The following ZNF804B variants were observed in gnomAD, a reference collection of about 807,000 sequenced individuals.
ZNF804B encodes the protein zinc finger protein 804B, also known as zinc finger 804B.
In ZNF804B, 80 loss-of-function variants were observed where a neutral mutation model predicts 101.4. That is an observed-to-expected ratio of 0.79 (90% CI 0.66 to 0.95). The LOEUF (loss-of-function observed/expected upper bound fraction) is 0.95. ZNF804B is among the 40% of genes least tolerant of loss of function. ZNF804B has a pLI of 0.00. For missense variants in ZNF804B, 1,673 were observed against 1,561.9 expected, an observed-to-expected ratio of 1.07 and a Z score of -1.20; for synonymous variants, 622 against 558.8, an observed-to-expected ratio of 1.11 and a Z score of -1.59.
intron 1 of ZNF804B, among the ~76,000 whole-genome samples, chr7:89,107,795 G>A (rs551360786): frequency 6.6e-6 from 1 of 152,226 alleles, no homozygotes; most frequent in East Asian, 1.9e-4. Flanking sequence ...CAAGCTTAGA[G>A]AGCCACAGAC....
At position 89,220,126 on chromosome 7, in the gene ZNF804B, C is replaced by T. The variant is rs1397262224; in HGVS notation, c.249+1831C>T. 6.2e-5 allele frequency among the ~76,000 whole-genome samples: 8 copies of T among 129,886 alleles called. 2 individuals are homozygous for T. In the East Asian group the frequency reaches 6.2e-4, roughly 10 times the overall value. The allele number at this position is 129,886 out of a possible 152,430, so 85.2% of individuals were successfully genotyped here. ...ATATGTGTGTATATACATATATATA[C>T]GCACACATATATGTGTGTATATACA... On this transcript the variant is annotated intron_variant, in intron 2 of 3. Transcript: ENST00000333190.
intron 1 of ZNF804B, among the ~76,000 whole-genome samples, chr7:89,039,637 T>G (rs1788984757): frequency 7.5e-6 from 1 of 133,232 alleles, no homozygotes; most frequent in Non-Finnish European, 1.6e-5. Flanking sequence ...ATTTATTTTT[T>G]TCTCTTCAAG....
chr7:89,061,486 G>A (rs10249100), intron 1 of ZNF804B, among the ~76,000 whole-genome samples: 47,691 of 151,688 alleles, frequency 0.31, 7,919 homozygotes, highest in East Asian at 0.52. Flanking sequence ...TACCACCTAC[G>A]CATTTTATAA....
chr7:88,795,141 T>G (rs1490485312), intron 1 of ZNF804B: 1 of 447,904 alleles, frequency 2.2e-6, no homozygotes, highest in African/African-American at 2.0e-5. Flanking sequence ...AACAATGTAT[T>G]TGAAATGAAA....
intron 1 of ZNF804B, among the ~76,000 whole-genome samples, chr7:89,017,791 C>CT (rs1435505297): frequency 7.9e-5 from 12 of 151,866 alleles, no homozygotes; most frequent in South Asian, 4.1e-4. Context: ...AATGGGATTT[C>CT]TTTTTTCAGT....
At chr7:89,065,537 CAT>C (rs757365645) in intron 1 of ZNF804B, among the ~76,000 whole-genome samples, 2 of 152,138 alleles carry the variant, frequency 1.3e-5, no homozygotes, top group Non-Finnish European at 1.5e-5. Context: ...AATTTATACA[CAT>C]GTGTATTAAT....
chr7:89,087,600 A>G (rs559439009), intron 1 of ZNF804B, among the ~76,000 whole-genome samples: 6 of 152,124 alleles, frequency 3.9e-5, no homozygotes, highest in African/African-American at 1.2e-4. Flanking sequence ...CCAGAAAATC[A>G]TATATTTGAT....
At chr7:88,888,731 A>G (rs1270781931) in intron 1 of ZNF804B, among the ~76,000 whole-genome samples, 2 of 152,196 alleles carry the variant, frequency 1.3e-5, no homozygotes, top group South Asian at 2.1e-4. Context: ...AGTATTTTAA[A>G]GAGGTAGGAT....
intron 1 of ZNF804B, among the ~76,000 whole-genome samples, chr7:88,835,435 TGCAAAAA>T (rs760823523): frequency 2.0e-5 from 3 of 151,864 alleles, no homozygotes; most frequent in African/African-American, 7.2e-5. Flanking sequence ...TTTCTATTAT[TGCAAAAA>T]GCAAAAAGTG....
chr7:88,762,125 C>A (rs1316924459), intron 1 of ZNF804B, among the ~76,000 whole-genome samples: 1 of 152,348 alleles, frequency 6.6e-6, no homozygotes, highest in South Asian at 2.1e-4. Context: ...GGAAGGTTCT[C>A]TCCAATATTT....
chr7:89,075,322 G>A (rs914081291), intron 1 of ZNF804B, among the ~76,000 whole-genome samples: 1 of 152,138 alleles, frequency 6.6e-6, no homozygotes, highest in Non-Finnish European at 1.5e-5. Flanking sequence ...CATAGGCCAG[G>A]CCCTGGGTCC....
At chr7:89,326,268 G>A (rs755296960) in intron 2 of ZNF804B, among the ~76,000 whole-genome samples, 4 of 151,926 alleles carry the variant, frequency 2.6e-5, no homozygotes, top group Non-Finnish European at 5.9e-5. Context: ...TTGAAAGACC[G>A]ATCTGCCTTC....
intron 2 of ZNF804B, among the ~76,000 whole-genome samples, chr7:89,284,720 A>G (rs1329931978): frequency 1.3e-5 from 2 of 151,828 alleles, no homozygotes; most frequent in African/African-American, 4.8e-5. Context: ...GAAAAAAAAT[A>G]AAGTTATTAT....
chr7:89,046,780 C>T (rs2116257568), intron 1 of ZNF804B, among the ~76,000 whole-genome samples: 1 of 151,706 alleles, frequency 6.6e-6, no homozygotes, highest in Admixed American at 6.6e-5. Context: ...TTGGAGATAC[C>T]CTATTACTTA....
intron 1 of ZNF804B, among the ~76,000 whole-genome samples, chr7:88,814,433 C>G (rs1162373325): frequency 6.7e-6 from 1 of 149,924 alleles, no homozygotes; most frequent in Non-Finnish European, 1.5e-5. Context: ...ATCACTGTCT[C>G]TTACCTCCCT....
Position 89,179,048 on chromosome 7 carries a change from T to G in ZNF804B, c.109-39107T>G, listed in dbSNP as rs180711693. 9.8e-5 allele frequency among the ~76,000 whole-genome samples: 15 copies of G among 152,294 alleles called. No individual in the cohort carries two copies. In the East Asian group the frequency reaches 2.5e-3, roughly 26 times the overall value. ...GTCTGTTGTCAGATATTTTGGAACT[T>G]CTTTGTATGTATTTGTTTCTTTTGT... On this transcript the variant is annotated intron_variant, in intron 1 of 3. Coordinates refer to ENST00000333190, the MANE Select transcript of ZNF804B (RefSeq NM_181646.5).
In ZNF804B at chr7:89,334,713, T is replaced by C. The variant is rs1791047604; in HGVS notation, c.1731T>C (p.Asn577=). 6.2e-7 allele frequency: 1 copy of C among 1,613,516 alleles called. No individual in the cohort carries two copies. Among genetic ancestry groups the C allele is most frequent in the Admixed American group, 1.7e-5 (1 of 59,872 alleles). ...GTGCAAATGATTTGGAAATGAAAAA[T>C]CCTAAAGTGCCTCTTTACCTCAACA... ...TFSANDLEMK[N]PKVPLYLNTS... The change falls in exon 4 of 4, where the codon AAT becomes AAC. Residue 577 remains asparagine, a synonymous_variant. Transcript: ENST00000333190.
intron 2 of ZNF804B, among the ~76,000 whole-genome samples, chr7:89,229,556 A>G (rs1316489057): frequency 6.6e-6 from 1 of 152,226 alleles, no homozygotes; most frequent in Non-Finnish European, 1.5e-5. Context: ...GAGCATGAAA[A>G]TATGTGATGC....
intron 1 of ZNF804B, among the ~76,000 whole-genome samples, chr7:89,215,135 A>G (rs1788870501): frequency 1.3e-5 from 2 of 152,164 alleles, no homozygotes; most frequent in Non-Finnish European, 2.9e-5. Flanking sequence ...TGTCATTAGC[A>G]CCTTAGAGGT....
Sources: allele counts gnomAD v4.1 joint callset (sites outside exome capture counted in the v4.1 genomes callset), GRCh38; gene constraint gnomAD v4.1.1; transcripts MANE v1.5; gene names NCBI Gene and HGNC (gene_info 2026-07-23, HGNC 2026-07-21).